Variants in SYN3 observed in about 807,000 individuals in gnomAD.
SYN3 encodes the protein synapsin III.
Under a neutral mutation model 65.8 loss-of-function variants are expected in SYN3, and 35 were observed. The observed-to-expected ratio is 0.53, with a 90% confidence interval of 0.41 to 0.70. The LOEUF is 0.70. Ranked by LOEUF, SYN3 falls within the 30% of genes least tolerant of loss-of-function variation. The pLI is 0.00. For missense variants in SYN3, 680 were observed against 749.0 expected, an observed-to-expected ratio of 0.91 and a Z score of 1.08; for synonymous variants, 270 against 292.9, an observed-to-expected ratio of 0.92 and a Z score of 0.80.
At position 33,006,755 on chromosome 22, in the gene SYN3, G is replaced by A. The variant is rs2053210007; in HGVS notation, c.-93C>T. On this transcript the variant is annotated 5_prime_UTR_variant, in exon 2 of 14. Transcript: ENST00000358763. ...TGCTGCCAGGTACAGGGAGTGGTAGGACTTTAGCCAGAAGAGCCAGGGGGA... is the reference window on the plus strand; with the variant it reads ...TGCTGCCAGGTACAGGGAGTGGTAGAACTTTAGCCAGAAGAGCCAGGGGGA... The A allele has an allele frequency of 7.5e-7, 1 of 1,335,410 alleles. No homozygotes were observed. The highest frequency in any genetic ancestry group is 1.0e-6 in the Non-Finnish European group (1 of 978,450). 82.7% of individuals were successfully genotyped at this position (1,335,410 alleles called of 1,614,324 possible). A position where few individuals can be genotyped will look rare whatever the true frequency, so the allele number is the denominator to read the frequency against.
At chr22:32,586,100 GTA>G (rs1569065828) in intron 7 of SYN3, among the ~76,000 whole-genome samples, 3 of 149,098 alleles carry the variant, frequency 2.0e-5, no homozygotes, top group Admixed American at 6.7e-5. Context: ...ATGTATATAT[GTA>G]TACATGTATA....
chr22:32,732,819 AC>A (rs1302246312), intron 6 of SYN3, among the ~76,000 whole-genome samples: 2 of 152,226 alleles, frequency 1.3e-5, no homozygotes, highest in Non-Finnish European at 2.9e-5. Flanking sequence ...CTGACCATCC[AC>A]TAAGTTCCAG....
intron 6 of SYN3, among the ~76,000 whole-genome samples, chr22:32,696,829 C>A (rs2060743173): frequency 6.6e-6 from 1 of 152,152 alleles, no homozygotes; most frequent in Admixed American, 6.5e-5. Context: ...TCTGTTTCCC[C>A]TTCTTATCAT....
At chr22:33,034,191 A>AC (rs950354012) in intron 1 of SYN3, among the ~76,000 whole-genome samples, 33 of 144,906 alleles carry the variant, frequency 2.3e-4, no homozygotes, top group East Asian at 7.3e-4. Flanking sequence ...GTGTTAAAAA[A>AC]AAACACACAC....
intron 7 of SYN3, among the ~76,000 whole-genome samples, chr22:32,546,515 C>T (rs1043739792): frequency 1.3e-5 from 2 of 151,760 alleles, no homozygotes; most frequent in African/African-American, 2.4e-5. Flanking sequence ...AGGATTCTGG[C>T]GAAGAGGGGA....
chr22:32,964,419 T>TAAAAA (rs201659599), intron 3 of SYN3, among the ~76,000 whole-genome samples: 4 of 128,686 alleles, frequency 3.1e-5, no homozygotes, highest in Non-Finnish European at 6.8e-5. Flanking sequence ...TAAAGTATAA[T>TAAAAA]AAAAAAAAAA....
chr22:32,862,860 G>A (rs1601571784), intron 6 of SYN3: 1 of 152,566 alleles, frequency 6.6e-6, no homozygotes, highest in South Asian at 2.1e-4. Flanking sequence ...AAGAGATCTC[G>A]AACCCTGTCT....
chr22:32,843,275 T>C (rs2047966100), intron 6 of SYN3, among the ~76,000 whole-genome samples: 1 of 152,240 alleles, frequency 6.6e-6, no homozygotes, highest in Admixed American at 6.5e-5. Context: ...GTGGTTGTTA[T>C]CAGTATGTTC....
intron 4 of SYN3, among the ~76,000 whole-genome samples, chr22:32,922,090 T>C (rs2050349168): frequency 2.6e-5 from 4 of 152,252 alleles, no homozygotes; most frequent in Admixed American, 1.3e-4. Context: ...TAGTGGTGAC[T>C]GACTTTTCCT....
At chr22:32,554,087 A>G (rs901141208) in intron 7 of SYN3, among the ~76,000 whole-genome samples, 2 of 152,168 alleles carry the variant, frequency 1.3e-5, no homozygotes, top group Non-Finnish European at 2.9e-5. Context: ...AAATCTCCGG[A>G]GGTACCAGTG....
At chr22:32,710,205 T>C (rs2060941069) in intron 6 of SYN3, among the ~76,000 whole-genome samples, 1 of 150,888 alleles carries the variant, frequency 6.6e-6, no homozygotes, top group Admixed American at 6.6e-5. Flanking sequence ...AAATCTCATG[T>C]GAAATGTAAT....
At chr22:32,569,256 A>AATCTATCCATCTATCT (rs2058713340) in intron 7 of SYN3, among the ~76,000 whole-genome samples, 1 of 140,990 alleles carries the variant, frequency 7.1e-6, no homozygotes, top group African/African-American at 2.6e-5. Flanking sequence ...ATGCATCCAA[A>AATCTATCCATCTATCT]ATCTATCTAT....
chr22:32,616,481 G>A (rs976383750), intron 6 of SYN3, among the ~76,000 whole-genome samples: 4 of 152,166 alleles, frequency 2.6e-5, no homozygotes, highest in East Asian at 3.9e-4. Context: ...CACAGTAGCC[G>A]CACAGACACA....
At chr22:32,996,347 C>T (rs2052880142) in intron 2 of SYN3, among the ~76,000 whole-genome samples, 1 of 152,114 alleles carries the variant, frequency 6.6e-6, no homozygotes, top group Admixed American at 6.5e-5. Flanking sequence ...AGCACCCACA[C>T]TGAAAAACAG....
chr22:32,815,292 C>A (rs1197244411), intron 6 of SYN3, among the ~76,000 whole-genome samples: 2 of 152,188 alleles, frequency 1.3e-5, no homozygotes, highest in Non-Finnish European at 2.9e-5. Context: ...GTGCAGGGAA[C>A]CCATGTGCGG....
intron 4 of SYN3, among the ~76,000 whole-genome samples, chr22:32,915,785 C>A (rs1273871650): frequency 6.6e-6 from 1 of 152,118 alleles, no homozygotes; most frequent in Non-Finnish European, 1.5e-5. Flanking sequence ...GGATGGGAAG[C>A]CCTTGTAGAG....
chr22:32,895,384 CTA>C (rs1294432097), intron 4 of SYN3, among the ~76,000 whole-genome samples: 1 of 152,184 alleles, frequency 6.6e-6, no homozygotes, highest in Non-Finnish European at 1.5e-5. Flanking sequence ...AAATCTGTAG[CTA>C]TACTTGCATG....
intron 6 of SYN3, among the ~76,000 whole-genome samples, chr22:32,838,194 A>G (rs755107357): frequency 5.9e-5 from 9 of 152,206 alleles, no homozygotes; most frequent in Non-Finnish European, 1.0e-4. Flanking sequence ...TAGTTCCTCA[A>G]ATACTTCTGA....
At chr22:32,562,720 C>T (rs766321497) in intron 7 of SYN3, among the ~76,000 whole-genome samples, 9 of 152,272 alleles carry the variant, frequency 5.9e-5, no homozygotes, top group Non-Finnish European at 1.3e-4. Context: ...TGAAAACAGA[C>T]CAAGCCAAGC....
Sources: allele counts gnomAD v4.1 joint callset (sites outside exome capture counted in the v4.1 genomes callset), GRCh38; gene constraint gnomAD v4.1.1; transcripts MANE v1.5; gene names NCBI Gene and HGNC (gene_info 2026-07-23, HGNC 2026-07-21).